Variants in GIT1 observed in about 807,000 individuals in gnomAD.
GIT1 encodes GIT ArfGAP 1.
GIT1 carries 14 observed loss-of-function variants against 91.7 expected under a neutral mutation model. The observed-to-expected ratio is 0.15, with a 90% confidence interval of 0.10 to 0.24. GIT1 has a LOEUF of 0.24. Ranked by LOEUF, GIT1 falls within the 10% of genes least tolerant of loss-of-function variation. The pLI, the probability that GIT1 is intolerant of heterozygous loss-of-function variation, is 1.00. For synonymous variants in GIT1, 414 were observed against 418.2 expected (o/e 0.99, Z 0.12); for missense variants, 717 against 1,024.9 (o/e 0.70, Z 4.10).
chr17:29,577,305 C>T (rs887595969), intron 10 of GIT1, 58 bp from the exon 11 acceptor site: 30 of 1,266,026 alleles, frequency 2.4e-5, no homozygotes, highest in Admixed American at 1.6e-4. Context: ...TGACGCAGGA[C>T]GGCAGGGACC....
Position 29,575,680 on chromosome 17 carries a change from A to G in GIT1, c.1776T>C (p.Ser592=), listed in dbSNP as rs1344752951. 3.1e-6 allele frequency: 5 copies of G among 1,612,856 alleles called. No individual in the cohort carries two copies. The highest frequency in any genetic ancestry group is 1.7e-5 in the Admixed American group (1 of 60,018). The change falls in exon 17 of 20, where the codon AGT becomes AGC. Residue 592 remains serine (S), a synonymous_variant. Transcript: ENST00000225394. The surrounding 1 kb of genome is among the most constrained non-coding windows in gnomAD (Gnocchi z 5.5). ...RHTSKLSRHG[S]GADSDYENTQ... is the part of the protein sequence containing the mutation. ...TGTTCTCATAGTCACTGTCGGCTCC[A>G]CTGCCGTGGCGGGAAAGCTTGCTCT...
In GIT1 at chr17:29,577,245, C is replaced by A; in HGVS notation, c.984G>T (p.Gly328=). ...NPEYSATRNQ[G]RQKLARFNAR... Reference sequence around the variant, plus strand: ...CATTAAAGCGGGCCAGCTTTTGTCGCCCCTGCAAGGCAGAAAGGGCCAGGC... The same window carrying A: ...CATTAAAGCGGGCCAGCTTTTGTCGACCCTGCAAGGCAGAAAGGGCCAGGC... Residue 328 remains glycine, a splice_region_variant and synonymous_variant, in exon 11 of 20, where the codon GGG becomes GGT. Transcript: ENST00000225394. 1 of 1,613,526 alleles carries A rather than the reference C, an allele frequency of 6.2e-7. No homozygotes were observed. The highest frequency in any genetic ancestry group is 8.5e-7 in the Non-Finnish European group (1 of 1,179,856).
At chr17:29,588,050 G>A (rs915083376) in intron 1 of GIT1, among the ~76,000 whole-genome samples, 5 of 152,134 alleles carry the variant, frequency 3.3e-5, no homozygotes, top group Non-Finnish European at 5.9e-5. Context: ...AGTATTTTGT[G>A]CCCAAGCCCT....
At chr17:29,587,986 G>GA (rs2150856288) in intron 1 of GIT1, among the ~76,000 whole-genome samples, 1 of 152,198 alleles carries the variant, frequency 6.6e-6, no homozygotes, top group African/African-American at 2.4e-5. Context: ...TCAACCCCAG[G>GA]GCCCTCTAAA....
chr17:29,582,662 G>A, intron 4 of GIT1, 36 bp downstream of exon 4: 1 of 1,357,062 alleles, frequency 7.4e-7, no homozygotes, highest in Middle Eastern at 1.8e-4. Flanking sequence ...GGAAGAAGAG[G>A]AGGGGGCCAC....
intron 1 of GIT1, among the ~76,000 whole-genome samples, chr17:29,585,860 G>C (rs984566177): frequency 5.9e-5 from 9 of 152,142 alleles, no homozygotes; most frequent in African/African-American, 2.2e-4. Context: ...GGCTCCACCG[G>C]CAGGGTATGG....
chr17:29,577,011 G>A lies in GIT1; in HGVS notation c.1094-15C>T, dbSNP rs1374344051. On this transcript the variant is annotated splice_polypyrimidine_tract_variant and intron_variant, in intron 11 of 19. Transcript: ENST00000225394. ...CTCGAGGTTGTCTGAGGACACAGGA[G>A]TGTCACTCAGGCCACACTCCACCAC... 1.2e-6 allele frequency: 2 copies of A among 1,604,306 alleles called. No individual in the cohort carries two copies. The highest frequency in any genetic ancestry group is 1.7e-6 in the Non-Finnish European group (2 of 1,179,818).
chr17:29,580,873 T>C (rs1484028645), intron 7 of GIT1, among the ~76,000 whole-genome samples: 1 of 151,846 alleles, frequency 6.6e-6, no homozygotes, highest in Non-Finnish European at 1.5e-5. Flanking sequence ...CTCTACCTCC[T>C]GTGTTCAAGC....
intron 1 of GIT1, among the ~76,000 whole-genome samples, chr17:29,588,312 A>G (rs188794068): frequency 9.5e-4 from 144 of 152,304 alleles, no homozygotes; most frequent in Middle Eastern, 3.4e-3. Context: ...TGTGGGCTAG[A>G]GCTTCCTTCC....
At chr17:29,574,943 T>A (rs771872677) in intron 19 of GIT1, 29 bp from the exon 20 acceptor site, 135 of 1,532,228 alleles carry the variant, frequency 8.8e-5, no homozygotes, top group Non-Finnish European at 1.1e-4. Flanking sequence ...AGGCTGGACC[T>A]TGGACTTTAA....
In GIT1 at chr17:29,578,764, T is replaced by C; in HGVS notation, c.777A>G (p.Glu259=). ...PQMADSLDLS[E]LAKAAKKKLQ... ...GCTTCTTCTTAGCAGCTTTGGCCAATTCGGATAAGTCAAGGCTGAGGGCAG... is the reference window on the plus strand; with the variant it reads ...GCTTCTTCTTAGCAGCTTTGGCCAACTCGGATAAGTCAAGGCTGAGGGCAG... Residue 259 remains glutamate, a synonymous_variant, in exon 8 of 20, where the codon GAA becomes GAG. Coordinates refer to ENST00000225394, the MANE Select transcript of GIT1 (RefSeq NM_014030.4). 6.2e-7 allele frequency: 1 copy of C among 1,613,934 alleles called. No homozygotes were observed. Among genetic ancestry groups the C allele is most frequent in the Non-Finnish European group, 8.5e-7 (1 of 1,179,920 alleles).
rs2033268318 is a variant in GIT1, at chr17:29,577,854, G to T, written c.884-112C>A. The T allele has an allele frequency of 1.4e-5, 10 of 713,932 alleles. No homozygotes were observed. In the Admixed American group the frequency reaches 2.1e-4, roughly 15 times the overall value. 44.2% of individuals were successfully genotyped at this position (713,932 alleles called of 1,614,324 possible). Reference sequence around the variant, plus strand: ...CTGCCCCCACGCCTACTGAGCACTGGTGTTCAGAACAGGGGTGGTCTTTGG... The same window carrying T: ...CTGCCCCCACGCCTACTGAGCACTGTTGTTCAGAACAGGGGTGGTCTTTGG... On this transcript the variant is annotated intron_variant, in intron 9 of 19. Coordinates refer to ENST00000225394, the MANE Select transcript of GIT1 (RefSeq NM_014030.4).
chr17:29,575,709 G>C lies in GIT1; in HGVS notation c.1753-6C>G, dbSNP rs1186814168. ...CCGTGGCGGGAAAGCTTGCTCTGGA[G>C]GGCGGAGGGAAGGGGCTGTGAGCGC... is the stretch of plus-strand genomic sequence containing the variant. On this transcript the variant is annotated splice_region_variant and splice_polypyrimidine_tract_variant and intron_variant, in intron 16 of 19. Transcript: ENST00000225394. This position sits in a 1 kb window ranked among gnomAD's most constrained non-coding sequence, Gnocchi z 5.5. 1 of 1,612,452 alleles carries C rather than the reference G, an allele frequency of 6.2e-7. No homozygotes were observed. Among genetic ancestry groups the C allele is most frequent in the Non-Finnish European group, 8.5e-7 (1 of 1,179,920 alleles).
Position 29,575,541 on chromosome 17 carries a change from C to A in GIT1, c.1827-71G>T. 1 of 1,562,794 alleles carries A rather than the reference C, an allele frequency of 6.4e-7. No individual in the cohort carries two copies. Among genetic ancestry groups the A allele is most frequent in the East Asian group, 2.3e-5 (1 of 44,360 alleles). ...AAGACACGTTCCAGCCTCGGAGCCG[C>A]CCGCCTTGGTCCTCACACACTGGGG... is the stretch of plus-strand genomic sequence containing the variant. On this transcript the variant is annotated intron_variant, in intron 17 of 19. Coordinates refer to ENST00000225394, the MANE Select transcript of GIT1 (RefSeq NM_014030.4). This position sits in a 1 kb window ranked among gnomAD's most constrained non-coding sequence, Gnocchi z 5.5.
chr17:29,575,239 A>G lies in GIT1; in HGVS notation c.2009+49T>C, dbSNP rs1321482833. The G allele has an allele frequency of 6.3e-7, 1 of 1,577,464 alleles. No individual in the cohort carries two copies. The highest frequency in any genetic ancestry group is 1.2e-5 in the South Asian group (1 of 86,786). ...CCCCTCATGCTCTCTGCAACACCCTAGAAGCCAACAGGAACTGCATCCCCC... is the reference window on the plus strand; with the variant it reads ...CCCCTCATGCTCTCTGCAACACCCTGGAAGCCAACAGGAACTGCATCCCCC... On this transcript the variant is annotated intron_variant, in intron 18 of 19. Transcript: ENST00000225394. This position sits in a 1 kb window ranked among gnomAD's most constrained non-coding sequence, Gnocchi z 5.5.
At chr17:29,579,389 CCCTTG>C (rs2033321930) in intron 7 of GIT1, 1 of 261,220 alleles carries the variant, frequency 3.8e-6, no homozygotes, top group African/African-American at 2.2e-5. Flanking sequence ...GCTGCACTAC[CCCTTG>C]CCTTAAGGCA....
At chr17:29,576,799 G>C (rs1006927616) in intron 12 of GIT1, 64 bp downstream of exon 12, 6 of 1,576,882 alleles carry the variant, frequency 3.8e-6, no homozygotes, top group African/African-American at 2.7e-5. Context: ...AGAGGACAGA[G>C]CTGGGCCTCA....
rs1366515211 is a variant in GIT1, at chr17:29,575,199, C to T, written c.2010-57G>A. The T allele has an allele frequency of 3.9e-6, 6 of 1,550,866 alleles. No homozygotes were observed. Among genetic ancestry groups the T allele is most frequent in the Non-Finnish European group, 3.5e-6 (4 of 1,137,574 alleles). On this transcript the variant is annotated intron_variant, in intron 18 of 19. Coordinates refer to ENST00000225394, the MANE Select transcript of GIT1 (RefSeq NM_014030.4). The surrounding 1 kb of genome is among the most constrained non-coding windows in gnomAD (Gnocchi z 5.5). ...GGCTCTCAAGGGAGGTTCCCAGGGACAGCAGAACCCAGGGCCCCTCATGCT... is the reference window on the plus strand; with the variant it reads ...GGCTCTCAAGGGAGGTTCCCAGGGATAGCAGAACCCAGGGCCCCTCATGCT...
At chr17:29,586,243 T>C (rs1208336316) in intron 1 of GIT1, among the ~76,000 whole-genome samples, 1 of 152,242 alleles carries the variant, frequency 6.6e-6, no homozygotes, top group Non-Finnish European at 1.5e-5. Context: ...CCAGGCAGCT[T>C]TGAATGTGGC....
Sources: allele counts gnomAD v4.1 joint callset (sites outside exome capture counted in the v4.1 genomes callset), GRCh38; gene constraint gnomAD v4.1.1; non-coding constraint Gnocchi (gnomAD v3.1); transcripts MANE v1.5; gene names NCBI Gene and HGNC (gene_info 2026-07-23, HGNC 2026-07-21).